The following DISC1 variants were observed in gnomAD, a reference collection of about 807,000 sequenced individuals.
DISC1 encodes DISC1 scaffold protein, also known as disrupted in schizophrenia 1 protein.
In DISC1, 57 loss-of-function variants were observed where a neutral mutation model predicts 84.5. The ratio of observed to expected loss-of-function variants is 0.67; its 90% CI spans 0.55 to 0.84. The LOEUF (loss-of-function observed/expected upper bound fraction) is 0.84. Among genes scored for constraint, DISC1 ranks in the 40% least tolerant of loss-of-function variants. DISC1 has a pLI of 0.00. For missense variants in DISC1, 1,000 were observed against 1,057.8 expected (o/e 0.95, Z 0.76); for synonymous variants, 411 against 415.2 (o/e 0.99, Z 0.12).
intron 3 of DISC1, among the ~76,000 whole-genome samples, chr1:231,709,741 T>C (rs1218935910): frequency 6.6e-6 from 1 of 152,180 alleles, no homozygotes; most frequent in African/African-American, 2.4e-5. Flanking sequence ...TGTACATGAT[T>C]TCCTACTAGC....
chr1:232,035,300 A>G (rs1253677370), intron 12 of DISC1, among the ~76,000 whole-genome samples: 3 of 152,124 alleles, frequency 2.0e-5, no homozygotes, highest in Admixed American at 6.5e-5. Flanking sequence ...AAATACAAAA[A>G]TTAGCATGGT....
chr1:231,741,703 A>G (rs1208165067), intron 3 of DISC1, among the ~76,000 whole-genome samples: 1 of 152,152 alleles, frequency 6.6e-6, no homozygotes, highest in African/African-American at 2.4e-5. Flanking sequence ...GATGAGGTAG[A>G]CTTAGCCTGG....
At chr1:231,825,578 G>A (rs891662198) in intron 9 of DISC1, among the ~76,000 whole-genome samples, 1 of 152,084 alleles carries the variant, frequency 6.6e-6, no homozygotes, top group African/African-American at 2.4e-5. Context: ...CCATGTTTTG[G>A]GTGAGGGGAT....
chr1:231,835,579 T>G (rs2082571584), intron 9 of DISC1, among the ~76,000 whole-genome samples: 1 of 152,208 alleles, frequency 6.6e-6, no homozygotes, highest in East Asian at 1.9e-4. Flanking sequence ...AGGCAGGAAC[T>G]GGCCATCTGG....
chr1:231,732,652 C>T (rs977621734), intron 3 of DISC1, among the ~76,000 whole-genome samples: 6 of 152,094 alleles, frequency 3.9e-5, no homozygotes, highest in Non-Finnish European at 5.9e-5. Context: ...TTGCTATTTC[C>T]GTTGGGTTCT....
At chr1:231,756,516 CGAGAGAGAGAGAGAGAGAGA>C (rs60818301) in intron 4 of DISC1, among the ~76,000 whole-genome samples, 57 of 133,384 alleles carry the variant, frequency 4.3e-4, no homozygotes, top group South Asian at 5.3e-4. Flanking sequence ...ATGTGAATAT[CGAGAGAGAGAGAGAGAGAGA>C]GAGAGAGAGA....
intron 8 of DISC1, among the ~76,000 whole-genome samples, chr1:231,816,990 G>A (rs1314725273): frequency 1.3e-5 from 2 of 151,250 alleles, no homozygotes; most frequent in African/African-American, 4.9e-5. Flanking sequence ...CTTCTTTGAG[G>A]TGGGGACTTG....
At chr1:231,846,003 A>C (rs138768786) in intron 9 of DISC1, among the ~76,000 whole-genome samples, 25 of 152,082 alleles carry the variant, frequency 1.6e-4, no homozygotes, top group Middle Eastern at 3.4e-3. Flanking sequence ...GAGAAGGGGG[A>C]TGTCCCAGAT....
chr1:231,852,579 G>T (rs1433283947), intron 9 of DISC1, among the ~76,000 whole-genome samples: 2 of 152,326 alleles, frequency 1.3e-5, no homozygotes, highest in East Asian at 3.9e-4. Context: ...GGGCACATGC[G>T]CACCTGGTCT....
At chr1:231,929,288 C>T (rs912763102) in intron 9 of DISC1, among the ~76,000 whole-genome samples, 2 of 152,078 alleles carry the variant, frequency 1.3e-5, no homozygotes, top group African/African-American at 4.8e-5. Flanking sequence ...TTCATGGAGG[C>T]AACCTCAAGT....
intron 8 of DISC1, among the ~76,000 whole-genome samples, chr1:231,807,711 C>G (rs2079854097): frequency 6.6e-6 from 1 of 152,210 alleles, no homozygotes; most frequent in African/African-American, 2.4e-5. Context: ...CCAGCAGCAG[C>G]AGCTGCCTGG....
chr1:232,006,069 C>T (rs982246034), intron 10 of DISC1, among the ~76,000 whole-genome samples: 2 of 152,188 alleles, frequency 1.3e-5, no homozygotes, highest in Non-Finnish European at 2.9e-5. Flanking sequence ...CACAGTCACT[C>T]CTTTCTATTA....
At chr1:231,798,460 A>C (rs1006186598) in intron 7 of DISC1, among the ~76,000 whole-genome samples, 2 of 152,192 alleles carry the variant, frequency 1.3e-5, no homozygotes, top group South Asian at 2.1e-4. Flanking sequence ...ATTAACAGAT[A>C]CTGTTCACTA....
At chr1:231,932,391 G>C (rs1432673748) in intron 9 of DISC1, among the ~76,000 whole-genome samples, 1 of 152,144 alleles carries the variant, frequency 6.6e-6, no homozygotes, top group East Asian at 1.9e-4. Flanking sequence ...ACTATTAATA[G>C]CTCCTATTGA....
rs3738401 is a variant in DISC1 at position 231,694,549 on chromosome 1, G to C, written c.791G>C (p.Arg264Pro). The C allele has an allele frequency of 8.1e-6, 13 of 1,613,900 alleles. No individual in the cohort carries two copies. Among genetic ancestry groups the C allele is most frequent in the Non-Finnish European group, 1.0e-5 (12 of 1,179,950 alleles). The part of the protein sequence containing the change: ...GPHEDPRCLS[R>P]PFSLLATRVS... ...CACGAGGACCCGCGATGTCTCTCTC[G>C]GCCCTTCAGTCTCTTGGCTACACGG... Residue 264 changes from arginine (R) to proline (P), a missense_variant, in exon 2 of 13, where the codon CGG (arginine) becomes CCG (proline). Arg to Pro is a moderately radical substitution (Grantham distance 103). Around this residue, in one of 3 missense-constraint regions of DISC1, gnomAD observed 311 missense variants for 400.1 expected, o/e 0.78. Transcript: ENST00000439617.
At chr1:231,835,197 C>T (rs909140005) in intron 9 of DISC1, among the ~76,000 whole-genome samples, 4 of 152,194 alleles carry the variant, frequency 2.6e-5, no homozygotes, top group Non-Finnish European at 5.9e-5. Context: ...GGATTGATCT[C>T]CCAAGGGGGG....
intron 3 of DISC1, among the ~76,000 whole-genome samples, chr1:231,748,156 A>C (rs1485883557): frequency 1.3e-5 from 2 of 152,152 alleles, no homozygotes; most frequent in Non-Finnish European, 2.9e-5. Flanking sequence ...AGGTTTTTCT[A>C]GATATAAGAG....
intron 10 of DISC1, among the ~76,000 whole-genome samples, chr1:231,973,790 T>G (rs1221312750): frequency 1.3e-5 from 2 of 152,200 alleles, no homozygotes; most frequent in Non-Finnish European, 2.9e-5. Context: ...GACATCCTTT[T>G]TAAATAAATA....
At chr1:231,719,087 T>C (rs2069211244) in intron 3 of DISC1, among the ~76,000 whole-genome samples, 1 of 152,156 alleles carries the variant, frequency 6.6e-6, no homozygotes, top group African/African-American at 2.4e-5. Context: ...ATCACACCAC[T>C]GCACTCCAGC....
Sources: allele counts gnomAD v4.1 joint callset (sites outside exome capture counted in the v4.1 genomes callset), GRCh38; gene constraint gnomAD v4.1.1; regional missense constraint gnomAD v4.1.1; transcripts MANE v1.5; gene names NCBI Gene and HGNC (gene_info 2026-07-23, HGNC 2026-07-21).